Variants in GAPVD1 observed in about 807,000 individuals in gnomAD.
GAPVD1 encodes GTPase activating protein and VPS9 domains 1, also known as GTPase-activating protein and VPS9 domain-containing protein 1.
GAPVD1 carries 35 observed loss-of-function variants against 155.5 expected under a neutral mutation model. The ratio of observed to expected loss-of-function variants is 0.23; its 90% CI spans 0.17 to 0.30. The LOEUF is 0.30. Ranked by LOEUF, GAPVD1 falls within the 10% of genes least tolerant of loss-of-function variation. The pLI, the probability that GAPVD1 is intolerant of heterozygous loss-of-function variation, is 1.00. For missense variants in GAPVD1, 1,429 were observed against 1,775.7 expected (o/e 0.80, Z 3.51); for synonymous variants, 636 against 619.7 (o/e 1.03, Z -0.39).
chr9:125,279,181 G>A (rs989129754), intron 2 of GAPVD1, among the ~76,000 whole-genome samples: 7 of 148,834 alleles, frequency 4.7e-5, no homozygotes, highest in South Asian at 2.1e-4. Context: ...CACTGCACTC[G>A]TCTGGGAGAC....
chr9:125,330,324 T>G (rs897017886), intron 13 of GAPVD1, 106 bp downstream of exon 13: 1 of 756,194 alleles, frequency 1.3e-6, no homozygotes, highest in Non-Finnish European at 2.0e-6. Flanking sequence ...ACACTTTTTT[T>G]TTTTTTTTAA....
At chr9:125,297,811 T>TCTC (rs1840106972) in intron 3 of GAPVD1, among the ~76,000 whole-genome samples, 2 of 152,160 alleles carry the variant, frequency 1.3e-5, no homozygotes, top group African/African-American at 4.8e-5. Flanking sequence ...AGTGGCATGA[T>TCTC]CTCACCTCAC....
chr9:125,336,290 CAAAAA>C (rs34270139), intron 15 of GAPVD1, among the ~76,000 whole-genome samples: 1 of 129,194 alleles, frequency 7.7e-6, no homozygotes, highest in Admixed American at 8.4e-5. Context: ...AGCTTGAGAC[CAAAAA>C]AAAAAAAAAA....
chr9:125,309,992 C>T (rs779878032), intron 8 of GAPVD1: 17 of 466,310 alleles, frequency 3.6e-5, no homozygotes, highest in South Asian at 2.5e-4. Flanking sequence ...TCTCATATTA[C>T]AGTAGTAACC....
chr9:125,355,172 A>C (rs1037669582), intron 24 of GAPVD1, among the ~76,000 whole-genome samples: 4 of 152,140 alleles, frequency 2.6e-5, no homozygotes, highest in African/African-American at 9.7e-5. Flanking sequence ...GCTGGAGTAC[A>C]GTGGCGTGAT....
chr9:125,281,434 C>A (rs1419647756), intron 2 of GAPVD1, among the ~76,000 whole-genome samples: 2 of 152,108 alleles, frequency 1.3e-5, no homozygotes, highest in African/African-American at 4.8e-5. Flanking sequence ...CAGGTGGGAG[C>A]CACTGTGCCC....
At chr9:125,342,353 T>A in intron 19 of GAPVD1, 54 bp downstream of exon 19, 1 of 992,404 alleles carries the variant, frequency 1.0e-6, no homozygotes, top group South Asian at 1.3e-5. Flanking sequence ...ACATATTTCA[T>A]AACACTTTTT....
chr9:125,298,949 G>A lies in GAPVD1; in HGVS notation c.28G>A (p.Ala10Thr). 1 of 1,608,978 alleles carries A rather than the reference G, an allele frequency of 6.2e-7. No individual in the cohort carries two copies. Among genetic ancestry groups the A allele is most frequent in the Non-Finnish European group, 8.5e-7 (1 of 1,177,910 alleles). Residue 10 changes from alanine (A) to threonine (T), a missense_variant, in exon 4 of 28, where the codon GCT becomes ACT. Around this residue, in one of 4 missense-constraint regions of GAPVD1, gnomAD observed 628 missense variants for 733.4 expected, o/e 0.86. Coordinates refer to ENST00000297933, the MANE Select transcript of GAPVD1 (RefSeq NM_001282680.3). ...GGTGAAACTAGATATTCATACTCTG[G>A]CTCATCACCTCAAGCAGGAACGCTT... is the stretch of plus-strand genomic sequence containing the variant. The part of the protein sequence containing the change: MVKLDIHTL[A>T]HHLKQERLYV...
chr9:125,331,306 T>G (rs1278434267), intron 13 of GAPVD1, among the ~76,000 whole-genome samples: 2 of 152,112 alleles, frequency 1.3e-5, no homozygotes, highest in African/African-American at 4.8e-5. Context: ...GTTCAAGTGA[T>G]TCTTTTGCCT....
intron 18 of GAPVD1, 83 bp downstream of exon 18, chr9:125,341,347 C>T: frequency 1.4e-6 from 1 of 709,818 alleles, no homozygotes. Context: ...AATGTCTCAA[C>T]TCCTCTGTAA....
chr9:125,360,041 A>G (rs2841334), intron 26 of GAPVD1, among the ~76,000 whole-genome samples: 130,203 of 152,222 alleles, frequency 0.86, 56,154 homozygotes, highest in African/African-American at 0.96. Context: ...AATTATCTTT[A>G]GTTTTTTGAA....
At chr9:125,300,009 ACT>A (rs1452867826) in intron 4 of GAPVD1, among the ~76,000 whole-genome samples, 2 of 94,338 alleles carry the variant, frequency 2.1e-5, no homozygotes, top group African/African-American at 8.2e-5. Context: ...ACAGAGTGAG[ACT>A]CTGTCTCAAA....
At chr9:125,346,768 A>T (rs1848570552) in intron 19 of GAPVD1, 51 bp from the exon 20 acceptor site, 3 of 1,397,272 alleles carry the variant, frequency 2.1e-6, no homozygotes, top group Non-Finnish European at 3.1e-6. Flanking sequence ...CTAACATCAG[A>T]GGTGGTACAA....
At chr9:125,331,450 C>T (rs1393209302) in intron 13 of GAPVD1, among the ~76,000 whole-genome samples, 1 of 152,176 alleles carries the variant, frequency 6.6e-6, no homozygotes, top group East Asian at 1.9e-4. Context: ...ATCTGCCGGC[C>T]TCGACCTCCC....
chr9:125,350,771 T>C lies in GAPVD1; in HGVS notation c.3468T>C (p.Asp1156=). 2 of 1,592,702 alleles carry C rather than the reference T, an allele frequency of 1.3e-6. No individual in the cohort carries two copies. Among genetic ancestry groups the C allele is most frequent in the Non-Finnish European group, 1.7e-6 (2 of 1,160,546 alleles). Residue 1156 remains aspartate (D), a synonymous_variant, in exon 23 of 28, where the codon GAT becomes GAC. Transcript: ENST00000297933. ...VQIAEAINLQ[D]KNLMAQLQET... ...TAGCTGAAGCAATTAATTTACAAGATAAGAATCTAATGGCTCAACTTCAAG... is the reference window on the plus strand; with the variant it reads ...TAGCTGAAGCAATTAATTTACAAGACAAGAATCTAATGGCTCAACTTCAAG...
chr9:125,328,901 G>C (rs1845640127), intron 12 of GAPVD1, among the ~76,000 whole-genome samples: 1 of 152,228 alleles, frequency 6.6e-6, no homozygotes, highest in African/African-American at 2.4e-5. Flanking sequence ...GGGAGGCCGA[G>C]GCTGGCGGAT....
chr9:125,285,220 C>A (rs1300007429), intron 2 of GAPVD1, among the ~76,000 whole-genome samples: 2 of 152,116 alleles, frequency 1.3e-5, no homozygotes, highest in African/African-American at 4.8e-5. Context: ...CATTCCAATA[C>A]AACTTTTATT....
intron 1 of GAPVD1, among the ~76,000 whole-genome samples, chr9:125,266,503 C>T (rs999009182): frequency 4.6e-5 from 7 of 151,818 alleles, no homozygotes; most frequent in Admixed American, 2.0e-4. Flanking sequence ...TCAGTAGAGA[C>T]GGGGTTTCAC....
intron 5 of GAPVD1, 38 bp from the exon 6 acceptor site, chr9:125,305,025 T>G (rs763687811): frequency 5.2e-6 from 7 of 1,343,722 alleles, no homozygotes; most frequent in South Asian, 3.5e-5. Flanking sequence ...AGTATCTGTC[T>G]GTAGCTTATG....
Sources: gnomAD v4.1 joint callset for allele counts (sites outside exome capture counted in the v4.1 genomes callset) on GRCh38, gnomAD v4.1.1 for gene constraint, gnomAD v4.1.1 regional missense constraint, MANE v1.5 for transcripts, NCBI Gene and HGNC (gene_info 2026-07-23, HGNC 2026-07-21) for gene names.